The following EDNRB variants were observed in gnomAD, a reference collection of about 807,000 sequenced individuals.
EDNRB encodes the protein endothelin receptor type B.
Under a neutral mutation model 46.4 loss-of-function variants are expected in EDNRB, and 18 were observed. That is an observed-to-expected ratio of 0.39 (90% confidence interval 0.27 to 0.57). The LOEUF (loss-of-function observed/expected upper bound fraction) is 0.57. Among genes scored for constraint, EDNRB ranks in the 20% least tolerant of loss-of-function variants. EDNRB has a pLI of 0.61. For missense variants in EDNRB, 434 were observed against 537.5 expected (o/e 0.81, Z 1.90); for synonymous variants, 213 against 204.9 (o/e 1.04, Z -0.34).
At chr13:77,937,592 A>G (rs1006820396) in intron 1 of EDNRB, among the ~76,000 whole-genome samples, 1 of 152,210 alleles carries the variant, frequency 6.6e-6, no homozygotes, top group African/African-American at 2.4e-5. Context: ...CTATGCCTTC[A>G]GCTCCAGCCA....
At chr13:77,924,370 A>T (rs1880171918), upstream of EDNRB, among the ~76,000 whole-genome samples, 1 of 152,178 alleles carries the variant, frequency 6.6e-6, no homozygotes, top group African/African-American at 2.4e-5. Context: ...CTCATGGGAA[A>T]TGCACAGGCG....
At chr13:77,903,628 G>A (rs200229729) in intron 1 of EDNRB, 21 bp from the exon 2 acceptor site, 391 of 1,604,432 alleles carry the variant, frequency 2.4e-4, no homozygotes, top group Non-Finnish European at 2.9e-4. Context: ...AAGACACGAA[G>A]CTCTGTTAGG....
At chr13:77,938,502 C>A (rs781657479) in intron 1 of EDNRB, among the ~76,000 whole-genome samples, 1 of 151,810 alleles carries the variant, frequency 6.6e-6, no homozygotes, top group Non-Finnish European at 1.5e-5. Context: ...GGGGTTCTTA[C>A]CCCCCAGAAA....
At chr13:77,959,821 A>G (rs1468300373) in intron 1 of EDNRB, among the ~76,000 whole-genome samples, 1 of 152,178 alleles carries the variant, frequency 6.6e-6, no homozygotes, top group Non-Finnish European at 1.5e-5. Flanking sequence ...AACTAGAATA[A>G]CCAGTGTAGA....
At chr13:77,916,831 T>TTGCTGC (rs146176595) in intron 1 of EDNRB, among the ~76,000 whole-genome samples, 1 of 152,058 alleles carries the variant, frequency 6.6e-6, no homozygotes, top group Non-Finnish European at 1.5e-5. Context: ...CAACTTTCTA[T>TTGCTGC]TGCTGCTGCT....
At chr13:77,907,633 T>C (rs1472735022) in intron 1 of EDNRB, among the ~76,000 whole-genome samples, 2 of 152,008 alleles carry the variant, frequency 1.3e-5, no homozygotes, top group African/African-American at 2.4e-5. Flanking sequence ...TTGGATATTT[T>C]AAAATATTTT....
At chr13:77,899,044 T>G (rs1022680383) in intron 6 of EDNRB, among the ~76,000 whole-genome samples, 1 of 151,924 alleles carries the variant, frequency 6.6e-6, no homozygotes, top group African/African-American at 2.4e-5. Flanking sequence ...TCTGCTTGTC[T>G]TCTGTTCATT....
intron 1 of EDNRB, among the ~76,000 whole-genome samples, chr13:77,906,684 A>G (rs757775607): frequency 2.0e-4 from 30 of 152,052 alleles, no homozygotes; most frequent in Admixed American, 3.9e-4. Flanking sequence ...CTTTAGACAA[A>G]CGTTTGGACA....
rs370266487 is a variant in EDNRB at position 77,958,475 on chromosome 13, C to A, written c.-52+16872G>T. ...GCAAGCTCCGCCTCCCGGGTTCATG[C>A]CATTCTCCTGCCTCAGCCTCCAGAG... On this transcript the variant is annotated intron_variant, in intron 1 of 7. Coordinates refer to the EDNRB transcript ENST00000646948. 3.1e-4 allele frequency among the ~76,000 whole-genome samples: 47 copies of A among 152,282 alleles called. No homozygotes were observed. The East Asian group carries it at 8.9e-3, about 29-fold the overall frequency.
At chr13:77,959,484 A>C (rs1454464859) in intron 1 of EDNRB, among the ~76,000 whole-genome samples, 1 of 152,232 alleles carries the variant, frequency 6.6e-6, no homozygotes, top group Non-Finnish European at 1.5e-5. Context: ...GAGGGTCCTG[A>C]CTGTTAGAAG....
intron 1 of EDNRB, among the ~76,000 whole-genome samples, chr13:77,945,928 G>C (rs991144783): frequency 1.3e-5 from 2 of 150,274 alleles, no homozygotes; most frequent in African/African-American, 2.4e-5. Context: ...GACAAAGCAG[G>C]TATCTGAATC....
intron 1 of EDNRB, among the ~76,000 whole-genome samples, chr13:77,950,659 T>C (rs911470313): frequency 6.6e-6 from 1 of 152,194 alleles, no homozygotes; most frequent in Non-Finnish European, 1.5e-5. Flanking sequence ...CTCGAACATA[T>C]GGTATTTCAT....
intron 1 of EDNRB, among the ~76,000 whole-genome samples, chr13:77,964,529 C>CA (rs1275694834): frequency 6.6e-6 from 1 of 151,628 alleles, no homozygotes; most frequent in Non-Finnish European, 1.5e-5. Flanking sequence ...ATCACAAGGA[C>CA]AAAAAACCAA....
chr13:77,911,089 T>C (rs1490592202), intron 1 of EDNRB, among the ~76,000 whole-genome samples: 5 of 152,000 alleles, frequency 3.3e-5, no homozygotes, highest in Non-Finnish European at 7.4e-5. Context: ...TTTAAAACTA[T>C]CACCGACATA....
intron 1 of EDNRB, among the ~76,000 whole-genome samples, chr13:77,904,552 A>C (rs763958788): frequency 9.2e-5 from 14 of 151,920 alleles, no homozygotes; most frequent in Admixed American, 2.0e-4. Flanking sequence ...TATAAGGAGC[A>C]AGAAGACATA....
intron 1 of EDNRB, among the ~76,000 whole-genome samples, chr13:77,913,396 C>A (rs1199603881): frequency 6.6e-6 from 1 of 152,096 alleles, no homozygotes; most frequent in Admixed American, 6.6e-5. Context: ...TCCAGTGGGT[C>A]ACCAGCCTAA....
rs1031606345 is a variant in EDNRB at position 77,918,745 on chromosome 13, G to A, written c.-172C>T. 1 of 1,327,774 alleles carries A rather than the reference G, an allele frequency of 7.5e-7. No homozygotes were observed. The highest frequency in any genetic ancestry group is 1.5e-5 in the African/African-American group (1 of 66,260). 82.2% of individuals were successfully genotyped at this position (1,327,774 alleles called of 1,614,324 possible). ...GTATCCACGCTCAAAAGTAACTCAA[G>A]TTTGCGCGCCAGTGGGAAACTTGGC... On this transcript the variant is annotated 5_prime_UTR_variant, in exon 1 of 7. Transcript: ENST00000646607. This position sits in a 1 kb window ranked among gnomAD's most constrained non-coding sequence, Gnocchi z 4.5.
chr13:77,921,132 A>G (rs1357935943), upstream of EDNRB, among the ~76,000 whole-genome samples: 4 of 152,194 alleles, frequency 2.6e-5, no homozygotes. Context: ...ATTTCGTGTG[A>G]CTTAATTTCT....
intron 1 of EDNRB, among the ~76,000 whole-genome samples, chr13:77,962,357 A>C (rs1011703446): frequency 6.6e-6 from 1 of 152,218 alleles, no homozygotes; most frequent in Non-Finnish European, 1.5e-5. Flanking sequence ...AATATCCCTG[A>C]TGAACTTTGA....
Sources: gnomAD v4.1 joint callset for allele counts (sites outside exome capture counted in the v4.1 genomes callset) on GRCh38, gnomAD v4.1.1 for gene constraint, Gnocchi (gnomAD v3.1) non-coding constraint, MANE v1.5 for transcripts, NCBI Gene and HGNC (gene_info 2026-07-23, HGNC 2026-07-21) for gene names.